Variants in PIGG observed in about 807,000 individuals in gnomAD.
PIGG encodes phosphatidylinositol glycan anchor biosynthesis class G (EMM blood group), also known as GPI ethanolamine phosphate transferase 2, catalytic subunit.
Under a neutral mutation model 83.2 loss-of-function variants are expected in PIGG, and 70 were observed. That is an observed-to-expected ratio of 0.84 (90% CI 0.69 to 1.03). The LOEUF (loss-of-function observed/expected upper bound fraction) is 1.03, where lower values mean the gene tolerates loss of function less well. PIGG is among the 50% of genes least tolerant of loss of function. The probability of loss-of-function intolerance (pLI) is 0.00; values close to 1 mark genes in which losing one functional copy is unlikely to be tolerated. For missense variants in PIGG, 1,257 were observed against 1,233.6 expected, an observed-to-expected ratio of 1.02 and a Z score of -0.28; for synonymous variants, 532 against 519.5, an observed-to-expected ratio of 1.02 and a Z score of -0.33.
chr4:499,444 AGAGCG>A lies in PIGG; in HGVS notation c.112_116del (p.Ala38ThrfsTer17), dbSNP rs1716704968. The A allele has an allele frequency of 1.7e-5, 28 of 1,605,326 alleles. No individual in the cohort carries two copies. Among genetic ancestry groups the A allele is most frequent in the African/African-American group, 2.7e-5 (2 of 75,022 alleles). ...CCCGGCTCCCGTTCGTTCCTCTGCC[AGAGCG>A]GAACACGGAGCGGAGCCCCCAGCGC... On this transcript the variant is annotated frameshift_variant, in exon 1 of 13. Transcript: ENST00000453061. LOFTEE classifies it high-confidence loss of function.
In PIGG at chr4:527,237, G is replaced by A. The variant is rs1166546435; in HGVS notation, c.2261+7G>A. On this transcript the variant is annotated splice_region_variant and intron_variant, in intron 10 of 12. Coordinates refer to ENST00000453061, the MANE Select transcript of PIGG (RefSeq NM_001127178.3). Reference sequence around the variant, plus strand: ...ACAGCAAGGACATTTCCAAGTAAGTGCGTGGCGGACACGGGGTGCATAGAG... The same window carrying A: ...ACAGCAAGGACATTTCCAAGTAAGTACGTGGCGGACACGGGGTGCATAGAG... The A allele has an allele frequency of 1.9e-6, 3 of 1,575,514 alleles. No homozygotes were observed. Among genetic ancestry groups the A allele is most frequent in the African/African-American group, 2.7e-5 (2 of 73,658 alleles).
chr4:530,913 T>A, intron 11 of PIGG, 168 bp downstream of exon 11: 1 of 599,306 alleles, frequency 1.7e-6, no homozygotes, highest in East Asian at 2.8e-5. Context: ...GCCGGTTGTT[T>A]AAGACACGCG....
At chr4:501,425 T>C (rs1022034904) in intron 2 of PIGG, among the ~76,000 whole-genome samples, 3 of 152,210 alleles carry the variant, frequency 2.0e-5, no homozygotes, top group African/African-American at 4.8e-5. Context: ...AAACTGAGAC[T>C]GGAAGGATGA....
At chr4:512,908 C>T (rs548659809) in intron 5 of PIGG, among the ~76,000 whole-genome samples, 5 of 152,196 alleles carry the variant, frequency 3.3e-5, no homozygotes, top group South Asian at 4.2e-4. Flanking sequence ...GGAAGGAGAT[C>T]GCATAATCCT....
chr4:519,265 G>C (rs1181469259), intron 6 of PIGG, among the ~76,000 whole-genome samples: 3 of 152,202 alleles, frequency 2.0e-5, no homozygotes, highest in African/African-American at 4.8e-5. Flanking sequence ...AGCAGGCAAG[G>C]ATTGCACCTG....
intron 8 of PIGG, chr4:522,167 G>A (rs1726156989): frequency 1.5e-5 from 9 of 607,446 alleles, no homozygotes; most frequent in South Asian, 3.9e-5. Context: ...CAGGTCAGAT[G>A]CCTCAGTTCT....
rs369968739 is a variant in PIGG, at chr4:523,542, C to A, written c.1698C>A (p.Gly566=). The A allele has an allele frequency of 6.2e-7, 1 of 1,614,158 alleles. No homozygotes were observed. Among genetic ancestry groups the A allele is most frequent in the African/African-American group, 1.3e-5 (1 of 75,038 alleles). The change falls in exon 9 of 13, where the codon GGC becomes GGA. Residue 566 remains glycine (G), a synonymous_variant. Transcript: ENST00000453061. ...LGTAGHVLSL[G]ASSFVEEEHQ... is the part of the protein sequence containing the mutation. ...CGGCGGGCCACGTCTTGAGCCTGGG[C>A]GCCAGCAGCTTCGTGGAGGAGGAGC...
chr4:534,285 A>G (rs1269404203), intron 12 of PIGG, among the ~76,000 whole-genome samples: 1 of 152,142 alleles, frequency 6.6e-6, no homozygotes, highest in African/African-American at 2.4e-5. Flanking sequence ...CAGGAAGGAA[A>G]ATTCCTTTTC....
chr4:499,352 G>A lies in PIGG; in HGVS notation c.17G>A (p.Gly6Glu). The A allele has an allele frequency of 1.2e-6, 2 of 1,608,980 alleles. No homozygotes were observed. The highest frequency in any genetic ancestry group is 1.7e-6 in the Non-Finnish European group (2 of 1,179,880). The change falls in exon 1 of 13, where the codon GGG becomes GAG. Residue 6 changes from glycine to glutamate, a missense_variant. Physicochemically the swap from Gly to Glu is moderately conservative, Grantham distance 98. Coordinates refer to ENST00000453061, the MANE Select transcript of PIGG (RefSeq NM_001127178.3). MRLGS[G>E]TFATCCVAIE... Reference sequence around the variant, plus strand: ...GTGTCCACGATGCGGCTGGGCTCCGGGACTTTCGCTACCTGTTGCGTAGCG... The same window carrying A: ...GTGTCCACGATGCGGCTGGGCTCCGAGACTTTCGCTACCTGTTGCGTAGCG...
chr4:500,528 T>G lies in PIGG; in HGVS notation c.287T>G (p.Leu96Arg). The G allele has an allele frequency of 6.2e-7, 1 of 1,613,792 alleles. No individual in the cohort carries two copies. Among genetic ancestry groups the G allele is most frequent in the Non-Finnish European group, 8.5e-7 (1 of 1,179,642 alleles). ...GVKFMPYTTY[L>R]VEKGASHSFV... ...AAATTTATGCCCTACACAACTTACC[T>G]TGTGGAAAAAGGAGCATCTCACAGT... Residue 96 changes from leucine (L) to arginine (R), a missense_variant, in exon 2 of 13, where the codon CTT becomes CGT. Physicochemically the swap from Leu to Arg is moderately radical, Grantham distance 102. Coordinates refer to ENST00000453061, the MANE Select transcript of PIGG (RefSeq NM_001127178.3).
At position 521,257 on chromosome 4, in the gene PIGG, C is replaced by G. The variant is rs1725786140; in HGVS notation, c.1316C>G (p.Thr439Ser). 1.9e-6 allele frequency: 3 copies of G among 1,612,696 alleles called. No homozygotes were observed. Among genetic ancestry groups the G allele is most frequent in the South Asian group, 1.1e-5 (1 of 91,052 alleles). The stretch of plus-strand genomic sequence containing the variant: ...GACATCTATTCGATGATGGTGGGGA[C>G]TGTCGTGGTTTTGGAGGTACAGATG... ...QYDIYSMMVG[T>S]VVVLEVLTLL... Residue 439 changes from threonine (T) to serine (S), a missense_variant, in exon 7 of 13, where the codon ACT becomes AGT. By Grantham distance (58) the Thr-to-Ser change is moderately conservative. Transcript: ENST00000453061.
At chr4:535,438 C>T (rs1730286055) in intron 12 of PIGG, among the ~76,000 whole-genome samples, 1 of 152,258 alleles carries the variant, frequency 6.6e-6, no homozygotes, top group Non-Finnish European at 1.5e-5. Context: ...GCGGCCCGGC[C>T]TCCTCCCGGG....
chr4:529,443 T>C (rs1266121547), intron 10 of PIGG, among the ~76,000 whole-genome samples: 1 of 152,182 alleles, frequency 6.6e-6, no homozygotes, highest in African/African-American at 2.4e-5. Flanking sequence ...TGAACTAAAC[T>C]GATCAAAGTT....
chr4:501,561 G>C (rs537894693), intron 2 of PIGG: 381 of 162,344 alleles, frequency 2.3e-3, no homozygotes, highest in African/African-American at 8.8e-3. Context: ...TATTTGGTGA[G>C]AAGGAGCTAC....
chr4:510,529 A>T (rs1426149194), intron 5 of PIGG, among the ~76,000 whole-genome samples: 1 of 152,196 alleles, frequency 6.6e-6, no homozygotes, highest in Non-Finnish European at 1.5e-5. Flanking sequence ...GTTTATGGCC[A>T]GATTTTGGGA....
intron 8 of PIGG, 104 bp downstream of exon 8, chr4:522,045 G>A (rs757984272): frequency 7.9e-7 from 1 of 1,269,864 alleles, no homozygotes; most frequent in Non-Finnish European, 1.1e-6. Flanking sequence ...TGAACACCTG[G>A]TGTGTGCCAC....
intron 12 of PIGG, among the ~76,000 whole-genome samples, chr4:534,979 C>T (rs1284292541): frequency 6.6e-6 from 1 of 152,278 alleles, no homozygotes; most frequent in African/African-American, 2.4e-5. Context: ...CATCCACACG[C>T]CCGTCTTCTC....
chr4:527,110 G>A lies in PIGG; in HGVS notation c.2141G>A (p.Arg714Lys). Residue 714 changes from arginine to lysine, a missense_variant, in exon 10 of 13, where the codon AGG becomes AAG. By Grantham distance (26) the Arg-to-Lys change is conservative (BLOSUM62 2). Coordinates refer to ENST00000453061, the MANE Select transcript of PIGG (RefSeq NM_001127178.3). ...SLLVVFVLVQ[R>K]GCSPVSKAAL... ...CTCGTAGTTTTTGTGCTGGTGCAGAGGGGGTGCTCCCCTGTGTCCAAGGCT... is the reference window on the plus strand; with the variant it reads ...CTCGTAGTTTTTGTGCTGGTGCAGAAGGGGTGCTCCCCTGTGTCCAAGGCT... The A allele has an allele frequency of 6.2e-7, 1 of 1,614,168 alleles. No individual in the cohort carries two copies. The highest frequency in any genetic ancestry group is 8.5e-7 in the Non-Finnish European group (1 of 1,180,008).
At chr4:527,704 G>A (rs929786353) in intron 10 of PIGG, 12 of 985,138 alleles carry the variant, frequency 1.2e-5, no homozygotes, top group East Asian at 1.1e-4. Flanking sequence ...AATTTATAAC[G>A]AGCCCCCGTA....
Sources: allele counts gnomAD v4.1 joint callset (sites outside exome capture counted in the v4.1 genomes callset), GRCh38; gene constraint gnomAD v4.1.1; transcripts MANE v1.5; gene names NCBI Gene and HGNC (gene_info 2026-07-23, HGNC 2026-07-21).